The following ROBO1 variants were observed in gnomAD, a reference collection of about 807,000 sequenced individuals.
ROBO1 encodes roundabout guidance receptor 1, also known as roundabout homolog 1.
In ROBO1, 149 loss-of-function variants were observed where a neutral mutation model predicts 195.9. The observed-to-expected ratio is 0.76, with a 90% CI of 0.67 to 0.87. The LOEUF is 0.87. Among genes scored for constraint, ROBO1 ranks in the 40% least tolerant of loss-of-function variants. The pLI, the probability that ROBO1 is intolerant of heterozygous loss-of-function variation, is 0.00. For missense variants in ROBO1, 1,933 were observed against 2,068.3 expected (o/e 0.93, Z 1.27); for synonymous variants, 816 against 733.2 (o/e 1.11, Z -1.82).
At chr3:78,675,769 C>T (rs1428361006) in intron 10 of ROBO1, among the ~76,000 whole-genome samples, 1 of 152,160 alleles carries the variant, frequency 6.6e-6, no homozygotes, top group Non-Finnish European at 1.5e-5. Flanking sequence ...AAAAAGACAG[C>T]AGTAACCTCT....
chr3:78,667,802 T>C lies in ROBO1; in HGVS notation c.1966+81A>G. 7.9e-6 allele frequency: 11 copies of C among 1,396,016 alleles called. No individual in the cohort carries two copies. In the South Asian group the frequency reaches 1.3e-4, roughly 17 times the overall value. The allele number at this position is 1,396,016 out of a possible 1,614,324, so 86.5% of individuals were successfully genotyped here. On this transcript the variant is annotated intron_variant, in intron 14 of 30. Coordinates refer to ENST00000464233, the MANE Select transcript of ROBO1 (RefSeq NM_002941.4). ...ACACTGTAAATGTACAATTCTAGCA[T>C]GTAGCACAAGTGATTTGTCAGTGCA...
At chr3:79,699,586 T>G (rs1167828219) in intron 1 of ROBO1, among the ~76,000 whole-genome samples, 2 of 151,694 alleles carry the variant, frequency 1.3e-5, no homozygotes, top group Non-Finnish European at 3.0e-5. Context: ...GCAATTATCC[T>G]GAGTCCATAG....
At chr3:78,704,219 C>T (rs2081492503) in intron 8 of ROBO1, among the ~76,000 whole-genome samples, 1 of 152,122 alleles carries the variant, frequency 6.6e-6, no homozygotes, top group African/African-American at 2.4e-5. Context: ...AAATCAGCAA[C>T]TTAAGGAAGC....
intron 4 of ROBO1, among the ~76,000 whole-genome samples, chr3:78,815,796 C>A (rs758689465): frequency 9.2e-5 from 14 of 152,116 alleles, no homozygotes; most frequent in Non-Finnish European, 2.1e-4. Flanking sequence ...AATTCTACTT[C>A]TCTTGTTATT....
At position 78,991,266 on chromosome 3, in the gene ROBO1, A is replaced by T. The variant is rs529574555; in HGVS notation, c.173-52339T>A. Among the ~76,000 whole-genome samples the T allele has an allele frequency of 2.0e-5, 3 of 152,274 alleles. No homozygotes were observed. The South Asian group carries it at 6.2e-4, about 32-fold the overall frequency. On this transcript the variant is annotated intron_variant, in intron 3 of 30. Coordinates refer to ENST00000464233, the MANE Select transcript of ROBO1 (RefSeq NM_002941.4). ...ACCAATGAACAAGAGATATTAGTACAATTTGAACATGTTCAGGAATTAAAT... is the reference window on the plus strand; with the variant it reads ...ACCAATGAACAAGAGATATTAGTACTATTTGAACATGTTCAGGAATTAAAT...
chr3:78,679,759 A>C (rs1187534226), intron 10 of ROBO1, among the ~76,000 whole-genome samples: 4 of 152,256 alleles, frequency 2.6e-5, no homozygotes, highest in Admixed American at 2.0e-4. Flanking sequence ...ATACTGCCCA[A>C]GGTAATTTAT....
chr3:78,970,547 C>T (rs2076740534), intron 3 of ROBO1, among the ~76,000 whole-genome samples: 1 of 151,970 alleles, frequency 6.6e-6, no homozygotes, highest in South Asian at 2.1e-4. Context: ...CTATCACTTC[C>T]CCAAATCTGA....
chr3:79,521,485 C>T (rs1420136517), intron 2 of ROBO1, among the ~76,000 whole-genome samples: 1 of 152,050 alleles, frequency 6.6e-6, no homozygotes, highest in African/African-American at 2.4e-5. Flanking sequence ...CTTCCGACAT[C>T]GATCTAATTC....
chr3:79,441,851 C>A (rs1559902084), intron 2 of ROBO1, among the ~76,000 whole-genome samples: 1 of 152,084 alleles, frequency 6.6e-6, no homozygotes, highest in Non-Finnish European at 1.5e-5. Flanking sequence ...GAGATTACTT[C>A]AAAATTGATA....
intron 2 of ROBO1, among the ~76,000 whole-genome samples, chr3:79,307,091 T>A (rs2033257337): frequency 6.6e-6 from 1 of 152,020 alleles, no homozygotes; most frequent in Non-Finnish European, 1.5e-5. Flanking sequence ...TCGGGGAAGC[T>A]CAGAATTCAA....
intron 2 of ROBO1, among the ~76,000 whole-genome samples, chr3:79,268,877 G>A (rs1679154820): frequency 6.6e-6 from 1 of 151,616 alleles, no homozygotes; most frequent in South Asian, 2.1e-4. Context: ...TAATACAATG[G>A]TTTGGCCACA....
chr3:79,162,049 T>A (rs2080976933), intron 2 of ROBO1, among the ~76,000 whole-genome samples: 1 of 151,482 alleles, frequency 6.6e-6, no homozygotes, highest in Non-Finnish European at 1.5e-5. Flanking sequence ...CTCAAGTTCA[T>A]TTTTTTTTCT....
chr3:78,703,875 C>CTA (rs2081481346), intron 8 of ROBO1, among the ~76,000 whole-genome samples: 1 of 152,010 alleles, frequency 6.6e-6, no homozygotes, highest in Non-Finnish European at 1.5e-5. Context: ...TACTGTAGCA[C>CTA]TAGTGACTTT....
intron 4 of ROBO1, among the ~76,000 whole-genome samples, chr3:78,837,019 A>G (rs2032799312): frequency 6.6e-6 from 1 of 152,172 alleles, no homozygotes; most frequent in African/African-American, 2.4e-5. Context: ...ACCTAAACAC[A>G]TTGTAATTAT....
At chr3:79,656,553 T>C (rs1474776824) in intron 1 of ROBO1, among the ~76,000 whole-genome samples, 1 of 152,050 alleles carries the variant, frequency 6.6e-6, no homozygotes, top group Non-Finnish European at 1.5e-5. Flanking sequence ...ATTTTTACTG[T>C]CATAACCATA....
chr3:78,835,830 A>G (rs1447769184), intron 4 of ROBO1, among the ~76,000 whole-genome samples: 1 of 152,196 alleles, frequency 6.6e-6, no homozygotes, highest in Non-Finnish European at 1.5e-5. Context: ...TATCTTAGAA[A>G]AGCAAAAGTC....
intron 2 of ROBO1, among the ~76,000 whole-genome samples, chr3:79,536,605 CCTG>C (rs1185988002): frequency 1.3e-5 from 2 of 152,010 alleles, no homozygotes; most frequent in African/African-American, 2.4e-5. Flanking sequence ...ATAATAATAG[CCTG>C]CTAACTAATC....
chr3:79,689,072 G>A (rs12107378), intron 1 of ROBO1, among the ~76,000 whole-genome samples: 48,416 of 151,320 alleles, frequency 0.32, 9,615 homozygotes, highest in African/African-American at 0.57. Context: ...TACTGAACAC[G>A]CGTTTTTTAT....
intron 2 of ROBO1, among the ~76,000 whole-genome samples, chr3:79,260,528 A>G (rs921539386): frequency 7.2e-5 from 11 of 152,192 alleles, no homozygotes; most frequent in African/African-American, 2.7e-4. Context: ...TTTGCTTTAT[A>G]AAGAATGTTC....
Sources: gnomAD v4.1 joint callset for allele counts (sites outside exome capture counted in the v4.1 genomes callset) on GRCh38, gnomAD v4.1.1 for gene constraint, MANE v1.5 for transcripts, NCBI Gene and HGNC (gene_info 2026-07-23, HGNC 2026-07-21) for gene names.